Variants in SLC27A1 observed in about 807,000 individuals in gnomAD.
SLC27A1 encodes the protein solute carrier family 27 member 1.
SLC27A1 carries 61 observed loss-of-function variants against 62.2 expected under a neutral mutation model. The ratio of observed to expected loss-of-function variants is 0.98; its 90% confidence interval spans 0.80 to 1.21. SLC27A1 has a LOEUF of 1.21. Among genes scored for constraint, SLC27A1 ranks in the 50% most tolerant of loss-of-function variants. SLC27A1 has a pLI of 0.00. For missense variants in SLC27A1, 903 were observed against 932.1 expected (o/e 0.97, Z 0.41); for synonymous variants, 435 against 408.6 (o/e 1.06, Z -0.78).
In SLC27A1 at chr19:17,497,432, T is replaced by A; in HGVS notation, c.1174T>A (p.Cys392Ser). Reference sequence around the variant, plus strand: ...CGGGGAGTTCTACGGCGCCACCGAGTGCAACTGCAGCATTGCCAACATGGA... The same window carrying A: ...CGGGGAGTTCTACGGCGCCACCGAGAGCAACTGCAGCATTGCCAACATGGA... The part of the protein sequence containing the change: ...QIGEFYGATE[C>S]NCSIANMDGK... Residue 392 changes from cysteine to serine, a missense_variant, in exon 7 of 12, where the codon TGC becomes AGC. Transcript: ENST00000252595. The A allele has an allele frequency of 6.3e-7, 1 of 1,586,594 alleles. No homozygotes were observed. The highest frequency in any genetic ancestry group is 8.6e-7 in the Non-Finnish European group (1 of 1,169,134).
At chr19:17,490,467 TA>T (rs144515315) in intron 6 of SLC27A1, among the ~76,000 whole-genome samples, 2 of 151,682 alleles carry the variant, frequency 1.3e-5, no homozygotes, top group East Asian at 3.9e-4. Context: ...AATTATCTTT[TA>T]AAAAAAATTA....
chr19:17,501,565 A>T lies in SLC27A1; in HGVS notation c.1783+146A>T, dbSNP rs2075413252. The T allele has an allele frequency of 5.4e-6, 6 of 1,118,198 alleles. No homozygotes were observed. In the Admixed American group the frequency reaches 1.6e-4, roughly 30 times the overall value. The allele number at this position is 1,118,198 out of a possible 1,614,324, so 69.3% of individuals were successfully genotyped here. ...ACGCCTGTAATCCCAGCACTTTGGG[A>T]GGCCGAGGCGGGCGGATCACGAGGT... On this transcript the variant is annotated intron_variant, in intron 11 of 11. Transcript: ENST00000252595.
chr19:17,492,489 G>C (rs1028791550), intron 6 of SLC27A1: 2 of 151,936 alleles, frequency 1.3e-5, no homozygotes, highest in African/African-American at 2.4e-5. Flanking sequence ...CATGGTGGGC[G>C]CCTATAGTCC....
chr19:17,491,600 A>G (rs2075294304), intron 6 of SLC27A1, among the ~76,000 whole-genome samples: 1 of 152,122 alleles, frequency 6.6e-6, no homozygotes, highest in Admixed American at 6.6e-5. Flanking sequence ...GGCTGAGCGC[A>G]ATGGCTCATG....
At position 17,500,314 on chromosome 19, in the gene SLC27A1, C is replaced by G. The variant is rs748492245; in HGVS notation, c.1243C>G (p.His415Asp). 21 of 1,614,120 alleles carry G rather than the reference C, an allele frequency of 1.3e-5. No individual in the cohort carries two copies. The highest frequency in any genetic ancestry group is 1.7e-5 in the Non-Finnish European group (20 of 1,180,042). Reference sequence around the variant, plus strand: ...TGGTTTCAACAGCCGCATCCTGCCCCACGTGTACCCCATCCGGCTGGTGAA... The same window carrying G: ...TGGTTTCAACAGCCGCATCCTGCCCGACGTGTACCCCATCCGGCTGGTGAA... ...SCGFNSRILP[H>D]VYPIRLVKVN... Residue 415 changes from histidine to aspartate, a missense_variant, in exon 8 of 12, where the codon CAC (histidine) becomes GAC (aspartate). Transcript: ENST00000252595.
At chr19:17,488,531 G>A (rs984511860) in intron 4 of SLC27A1, among the ~76,000 whole-genome samples, 3 of 151,970 alleles carry the variant, frequency 2.0e-5, no homozygotes, top group Non-Finnish European at 4.4e-5. Context: ...GCTGTGCCTG[G>A]GCACTCTTCC....
At chr19:17,481,540 A>G (rs1468076333) in intron 1 of SLC27A1, among the ~76,000 whole-genome samples, 1 of 151,740 alleles carries the variant, frequency 6.6e-6, no homozygotes, top group Non-Finnish European at 1.5e-5. Context: ...TCTCACTCCC[A>G]TAACCTAGGC....
chr19:17,488,980 G>T, intron 5 of SLC27A1, 28 bp from the exon 6 acceptor site: 2 of 1,613,948 alleles, frequency 1.2e-6, no homozygotes, highest in African/African-American at 1.3e-5. Flanking sequence ...GGGGGCGGGG[G>T]ACCCCTTACC....
At chr19:17,480,878 G>A (rs1052476616) in intron 1 of SLC27A1, among the ~76,000 whole-genome samples, 1 of 150,096 alleles carries the variant, frequency 6.7e-6, no homozygotes, top group Non-Finnish European at 1.5e-5. Context: ...GCGTCCGTGC[G>A]TATTCAATGT....
intron 4 of SLC27A1, 155 bp from the exon 5 acceptor site, chr19:17,488,692 CA>C: frequency 1.5e-6 from 1 of 654,826 alleles, no homozygotes; most frequent in Non-Finnish European, 2.7e-6. Flanking sequence ...ACACCACCAA[CA>C]ATTGTTGGTT....
rs1210891197 is a variant in SLC27A1, at chr19:17,470,614, C to A, written c.74C>A (p.Thr25Asn). 6.4e-7 allele frequency: 1 copy of A among 1,569,730 alleles called. No individual in the cohort carries two copies. Among genetic ancestry groups the A allele is most frequent in the Non-Finnish European group, 8.6e-7 (1 of 1,165,820 alleles). Residue 25 changes from threonine to asparagine, a missense_variant, in exon 1 of 12, where the codon ACC (threonine) becomes AAC (asparagine). By Grantham distance (65) the Thr-to-Asn change is moderately conservative. Transcript: ENST00000252595. ...ALLWLLGLPW[T>N]WSAAAALGVY... is the part of the protein sequence containing the mutation. Reference sequence around the variant, plus strand: ...TTGTGGCTGCTGGGGCTGCCGTGGACCTGGAGCGCGGCAGCGGCGCTCGGC... The same window carrying A: ...TTGTGGCTGCTGGGGCTGCCGTGGAACTGGAGCGCGGCAGCGGCGCTCGGC...
chr19:17,486,576 C>G lies in SLC27A1; in HGVS notation c.181C>G (p.Leu61Val). The G allele has an allele frequency of 1.3e-6, 2 of 1,588,062 alleles. No individual in the cohort carries two copies. Among genetic ancestry groups the G allele is most frequent in the Non-Finnish European group, 8.5e-7 (1 of 1,175,040 alleles). The change falls in exon 2 of 12, where the codon CTG (leucine) becomes GTG (valine). Residue 61 changes from leucine to valine, a missense_variant. Transcript: ENST00000252595. This position sits in a 1 kb window ranked among gnomAD's most constrained non-coding sequence, Gnocchi z 6.6. The part of the protein sequence containing the change: ...ARRDLFGLSV[L>V]IRVRLELRRH... ...CCTCCCTCCCAGCGGTCTCTCTGTG[C>G]TGATCCGCGTGCGCCTGGAGCTGCG... is the stretch of plus-strand genomic sequence containing the variant.
chr19:17,497,264 T>A lies in SLC27A1; in HGVS notation c.1006T>A (p.Tyr336Asn), dbSNP rs1354833748. ...CIKYNCTVVQ[Y>N]IGEICRYLLK... ...TCACCCCGTCCCCCAGGTGGTTCAG[T>A]ACATCGGGGAGATCTGCCGCTACCT... Residue 336 changes from tyrosine (Y) to asparagine (N), a missense_variant, in exon 7 of 12, where the codon TAC becomes AAC. Transcript: ENST00000252595. The A allele has an allele frequency of 6.2e-7, 1 of 1,600,250 alleles. No homozygotes were observed. The highest frequency in any genetic ancestry group is 8.5e-7 in the Non-Finnish European group (1 of 1,175,810).
intron 2 of SLC27A1, 68 bp downstream of exon 2, chr19:17,487,025 C>T (rs1483188515): frequency 1.3e-6 from 2 of 1,538,366 alleles, no homozygotes; most frequent in Non-Finnish European, 8.7e-7. Context: ...CGGGGAGATG[C>T]TGCGCCCCAG....
Position 17,500,494 on chromosome 19 carries a change from G to A in SLC27A1, c.1334-1G>A. 1 of 1,613,552 alleles carries A rather than the reference G, an allele frequency of 6.2e-7. No individual in the cohort carries two copies. The highest frequency in any genetic ancestry group is 8.5e-7 in the Non-Finnish European group (1 of 1,179,778). On this transcript the variant is annotated splice_acceptor_variant, in intron 8 of 11. Coordinates refer to ENST00000252595, the MANE Select transcript of SLC27A1 (RefSeq NM_198580.3). LOFTEE classifies it high-confidence loss of function. ...CAGCCTGAACATGGCCTTCTCCCTA[G>A]GGGAGCCTGGCCTCCTTGTGGGTCA... is the stretch of plus-strand genomic sequence containing the variant.
chr19:17,486,743 A>G lies in SLC27A1; in HGVS notation c.348A>G (p.Val116=), dbSNP rs2144575674. The G allele has an allele frequency of 6.2e-7, 1 of 1,610,540 alleles. No homozygotes were observed. Among genetic ancestry groups the G allele is most frequent in the African/African-American group, 1.3e-5 (1 of 74,996 alleles). The part of the protein sequence containing the change: ...FAQLDAYSNA[V]ANLFRQLGFA... ...AGCTGGACGCCTACTCCAATGCGGT[A>G]GCCAACCTCTTCCGCCAGCTGGGCT... Residue 116 remains valine, a synonymous_variant, in exon 2 of 12, where the codon GTA becomes GTG. Transcript: ENST00000252595. The surrounding 1 kb of genome is among the most constrained non-coding windows in gnomAD (Gnocchi z 6.6).
chr19:17,500,379 G>C lies in SLC27A1; in HGVS notation c.1308G>C (p.Gln436His), dbSNP rs142834494. Residue 436 changes from glutamine (Q) to histidine (H), a missense_variant, in exon 8 of 12, where the codon CAG (glutamine) becomes CAC (histidine). Physicochemically the swap from Gln to His is conservative, Grantham distance 24. Transcript: ENST00000252595. ...EDTMELLRDA[Q>H]GLCIPCQAGE... Reference sequence around the variant, plus strand: ...CAATGGAGCTGCTGCGGGATGCCCAGGGCCTCTGCATCCCCTGCCAGGCCG... The same window carrying C: ...CAATGGAGCTGCTGCGGGATGCCCACGGCCTCTGCATCCCCTGCCAGGCCG... 20 of 1,614,094 alleles carry C rather than the reference G, an allele frequency of 1.2e-5. No individual in the cohort carries two copies. In the African/African-American group the frequency reaches 2.4e-4, roughly 19 times the overall value.
At chr19:17,469,554 G>A (rs1483397461), upstream of SLC27A1, among the ~76,000 whole-genome samples, 1 of 152,040 alleles carries the variant, frequency 6.6e-6, no homozygotes, top group African/African-American at 2.4e-5. Flanking sequence ...TGGTTGTCAT[G>A]GAGACAGCGG....
chr19:17,477,077 C>T (rs1162079932), intron 1 of SLC27A1, among the ~76,000 whole-genome samples: 1 of 151,348 alleles, frequency 6.6e-6, no homozygotes, highest in Admixed American at 6.6e-5. Flanking sequence ...TTAGTAGAGA[C>T]GGGGTTTTGC....
Sources: allele counts gnomAD v4.1 joint callset (sites outside exome capture counted in the v4.1 genomes callset), GRCh38; gene constraint gnomAD v4.1.1; non-coding constraint Gnocchi (gnomAD v3.1); transcripts MANE v1.5; gene names NCBI Gene and HGNC (gene_info 2026-07-23, HGNC 2026-07-21).